NAALADL2: variants seen among roughly 807,000 people sequenced by gnomAD.
NAALADL2 encodes the protein inactive N-acetylated-alpha-linked acidic dipeptidase-like protein 2.
A neutral mutation model predicts 87.2 loss-of-function variants in NAALADL2; 76 were observed. That is an observed-to-expected ratio of 0.87 (90% CI 0.72 to 1.05). The LOEUF is 1.05. NAALADL2 is among the 50% of genes least tolerant of loss of function. NAALADL2 has a pLI of 0.00. For synonymous variants in NAALADL2, 354 were observed against 331.0 expected (o/e 1.07, Z -0.75); for missense variants, 1,089 against 945.8 (o/e 1.15, Z -1.99).
chr3:175,105,573 T>TAC (rs141354006), intron 2 of NAALADL2, among the ~76,000 whole-genome samples: 88,469 of 146,914 alleles, frequency 0.6, 27,653 homozygotes, highest in African/African-American at 0.78. Context: ...TATATATTCA[T>TAC]ACACACACAC....
chr3:175,757,939 A>G (rs1317175621), intron 13 of NAALADL2, among the ~76,000 whole-genome samples: 1 of 152,096 alleles, frequency 6.6e-6, no homozygotes, highest in Non-Finnish European at 1.5e-5. Flanking sequence ...AGAAATTAAT[A>G]CAAATTATAT....
At chr3:174,797,298 CTTTTTTCTTTT>C (rs1411201143) in intron 3 of NAALADL2, among the ~76,000 whole-genome samples, 36 of 97,726 alleles carry the variant, frequency 3.7e-4, no homozygotes, top group African/African-American at 1.4e-3. Context: ...TTTTGTTTTT[CTTTTTTCTTTT>C]TTTTTTTTTT....
At chr3:174,495,619 C>A (rs1352036295) in intron 1 of NAALADL2, among the ~76,000 whole-genome samples, 1 of 152,100 alleles carries the variant, frequency 6.6e-6, no homozygotes, top group South Asian at 2.1e-4. Flanking sequence ...TTGGAACTTT[C>A]CCAACGAAGG....
chr3:175,049,367 C>A (rs994195300), intron 1 of NAALADL2, among the ~76,000 whole-genome samples: 1 of 151,938 alleles, frequency 6.6e-6, no homozygotes, highest in South Asian at 2.1e-4. Context: ...ACATTTGACC[C>A]GACTGTAGGT....
chr3:175,502,553 T>A (rs1729705689), intron 9 of NAALADL2, among the ~76,000 whole-genome samples: 1 of 152,104 alleles, frequency 6.6e-6, no homozygotes, highest in African/African-American at 2.4e-5. Flanking sequence ...CACCATCAGC[T>A]CTCTTTGCTT....
intron 5 of NAALADL2, among the ~76,000 whole-genome samples, chr3:175,417,693 T>A (rs1241321734): frequency 6.6e-6 from 1 of 152,138 alleles, no homozygotes; most frequent in African/African-American, 2.4e-5. Flanking sequence ...AAGATTATAA[T>A]GAGTTCTTTA....
At chr3:175,079,139 G>T (rs887509347) in intron 1 of NAALADL2, among the ~76,000 whole-genome samples, 1 of 152,088 alleles carries the variant, frequency 6.6e-6, no homozygotes, top group African/African-American at 2.4e-5. Flanking sequence ...GTGTGAATTG[G>T]TTTTTTATTG....
intron 10 of NAALADL2, among the ~76,000 whole-genome samples, chr3:175,607,720 A>C (rs1180197201): frequency 6.6e-6 from 1 of 152,172 alleles, no homozygotes; most frequent in African/African-American, 2.4e-5. Flanking sequence ...AAAAGAGGGA[A>C]GACGTTGACT....
intron 9 of NAALADL2, among the ~76,000 whole-genome samples, chr3:175,564,971 G>T (rs1412815430): frequency 6.6e-6 from 1 of 152,232 alleles, no homozygotes; most frequent in Non-Finnish European, 1.5e-5. Flanking sequence ...TGTGGCAAAG[G>T]AATCCATGGA....
intron 3 of NAALADL2, among the ~76,000 whole-genome samples, chr3:174,805,500 C>T (rs575054772): frequency 1.4e-3 from 209 of 152,188 alleles, no homozygotes; most frequent in African/African-American, 4.8e-3. Flanking sequence ...TTTATGCTAT[C>T]TTATTAACTG....
intron 5 of NAALADL2, among the ~76,000 whole-genome samples, chr3:175,375,446 G>C (rs1767022640): frequency 6.6e-6 from 1 of 152,008 alleles, no homozygotes; most frequent in Admixed American, 6.6e-5. Flanking sequence ...ATTTATTTAG[G>C]TATTCTTTAA....
Position 175,693,087 on chromosome 3 carries a change from T to C in NAALADL2, c.1897-44219T>C, listed in dbSNP as rs146851481. ...ACAGAGTCCAGGAAATTTGGAAGCA[T>C]GGTCTTCTAGATTTTCTCACCCATT... On this transcript the variant is annotated intron_variant, in intron 11 of 13. Coordinates refer to ENST00000454872, the MANE Select transcript of NAALADL2 (RefSeq NM_207015.3). Among the ~76,000 whole-genome samples the C allele has an allele frequency of 3.3e-3, 497 of 152,268 alleles. 2 individuals are homozygous for C. Among genetic ancestry groups the C allele is most frequent in the Non-Finnish European group, 5.2e-3 (353 of 68,016 alleles).
chr3:175,311,565 T>A (rs1404217213), intron 4 of NAALADL2, among the ~76,000 whole-genome samples: 24 of 152,084 alleles, frequency 1.6e-4, no homozygotes, highest in Non-Finnish European at 4.4e-5. Flanking sequence ...GTATATCTTA[T>A]GAAACAGGAA....
chr3:174,728,029 A>C (rs987041361), intron 2 of NAALADL2, among the ~76,000 whole-genome samples: 1 of 152,008 alleles, frequency 6.6e-6, no homozygotes, highest in African/African-American at 2.4e-5. Flanking sequence ...AGGCTCATTC[A>C]TGTCTTTTTG....
chr3:174,581,842 A>C (rs535876223), intron 2 of NAALADL2, among the ~76,000 whole-genome samples: 9 of 152,298 alleles, frequency 5.9e-5, no homozygotes, highest in Non-Finnish European at 1.0e-4. Flanking sequence ...TCCCTCTGGC[A>C]CAGTGATAGG....
intron 9 of NAALADL2, among the ~76,000 whole-genome samples, chr3:175,547,744 G>A (rs1244216321): frequency 5.3e-5 from 8 of 151,616 alleles, no homozygotes; most frequent in Non-Finnish European, 3.0e-5. Context: ...AGTGGGCAGA[G>A]GTCACAGACA....
intron 1 of NAALADL2, among the ~76,000 whole-genome samples, chr3:174,883,080 G>A (rs1729631281): frequency 6.6e-6 from 1 of 151,958 alleles, no homozygotes; most frequent in Non-Finnish European, 1.5e-5. Flanking sequence ...ATCCAGCATG[G>A]GGGAAAGATG....
chr3:175,382,975 AAT>A (rs1767960084), intron 5 of NAALADL2, among the ~76,000 whole-genome samples: 1 of 152,066 alleles, frequency 6.6e-6, no homozygotes, highest in African/African-American at 2.4e-5. Flanking sequence ...TACTTTTATT[AAT>A]TTATTCAAAA....
chr3:175,131,793 C>A (rs1283431569), intron 2 of NAALADL2, among the ~76,000 whole-genome samples: 5 of 148,128 alleles, frequency 3.4e-5, no homozygotes, highest in Admixed American at 3.3e-4. Context: ...ACCTCCCTCC[C>A]GGACGGGGGG....
Sources: allele counts gnomAD v4.1 joint callset (sites outside exome capture counted in the v4.1 genomes callset), GRCh38; gene constraint gnomAD v4.1.1; transcripts MANE v1.5; gene names NCBI Gene and HGNC (gene_info 2026-07-23, HGNC 2026-07-21).